SLC35A1: variants seen among roughly 807,000 people sequenced by gnomAD.
SLC35A1 encodes the protein solute carrier family 35 member A1, also known as CMP-sialic acid transporter.
A neutral mutation model predicts 40.3 loss-of-function variants in SLC35A1; 21 were observed. The ratio of observed to expected loss-of-function variants is 0.52; its 90% CI spans 0.37 to 0.75. The LOEUF is 0.75. SLC35A1 is among the 30% of genes least tolerant of loss of function. The probability of loss-of-function intolerance (pLI) is 0.00; values close to 1 mark genes in which losing one functional copy is unlikely to be tolerated. For missense variants in SLC35A1, 297 were observed against 382.1 expected, an observed-to-expected ratio of 0.78 and a Z score of 1.86; for synonymous variants, 146 against 147.3, an observed-to-expected ratio of 0.99 and a Z score of 0.06.
At chr6:87,475,172 A>C (rs1366897530) in intron 1 of SLC35A1, among the ~76,000 whole-genome samples, 1 of 152,230 alleles carries the variant, frequency 6.6e-6, no homozygotes, top group Non-Finnish European at 1.5e-5. Context: ...ACAAATGAGC[A>C]TGGCTATGTT....
intron 2 of SLC35A1, among the ~76,000 whole-genome samples, chr6:87,498,617 A>C (rs1582186769): frequency 6.6e-6 from 1 of 152,280 alleles, no homozygotes; most frequent in South Asian, 2.1e-4. Flanking sequence ...CCAAAAATAC[A>C]AAAATAAGCC....
intron 2 of SLC35A1, among the ~76,000 whole-genome samples, chr6:87,482,304 T>C (rs948253386): frequency 6.7e-6 from 1 of 149,368 alleles, no homozygotes; most frequent in East Asian, 2.0e-4. Context: ...CCTTCAGGTC[T>C]GTGGACTAGA....
In SLC35A1 at chr6:87,511,918, G is replaced by A. The variant is rs944391654; in HGVS notation, c.*392G>A. The A allele has an allele frequency of 4.2e-5, 11 of 261,324 alleles. No homozygotes were observed. Among genetic ancestry groups the A allele is most frequent in the Admixed American group, 2.0e-4 (4 of 20,278 alleles). 16.2% of individuals were successfully genotyped at this position (261,324 alleles called of 1,614,324 possible). On this transcript the variant is annotated 3_prime_UTR_variant, in exon 8 of 8. Transcript: ENST00000369552. ...TCTGTACTAACTGTTCTCTTGTTCC[G>A]GTACCGGGGAGAAGGATGACCCCTC...
intron 7 of SLC35A1, among the ~76,000 whole-genome samples, chr6:87,510,871 C>CA (rs201786030): frequency 0.11 from 13,616 of 126,992 alleles, 656 homozygotes; most frequent in African/African-American, 0.15. Context: ...AACTCCGTCT[C>CA]AAAAAAAAAA....
chr6:87,511,536 C>T lies in SLC35A1; in HGVS notation c.*10C>T. On this transcript the variant is annotated 3_prime_UTR_variant, in exon 8 of 8. Transcript: ENST00000369552. The stretch of plus-strand genomic sequence containing the variant: ...AGTTATTGGTGTGTGATTTTAGCCT[C>T]ACGTGAGACTCCTTTTAAGACTAAA... The T allele has an allele frequency of 1.9e-6, 3 of 1,613,796 alleles. No homozygotes were observed. The highest frequency in any genetic ancestry group is 2.5e-6 in the Non-Finnish European group (3 of 1,179,752).
chr6:87,509,353 A>ATGCT (rs1300413620), intron 7 of SLC35A1, among the ~76,000 whole-genome samples, 178 bp downstream of exon 7: 1 of 152,180 alleles, frequency 6.6e-6, no homozygotes, highest in Non-Finnish European at 1.5e-5. Context: ...GTGGCTAAGC[A>ATGCT]GTACTTTGGT....
At chr6:87,488,294 T>G (rs1249038975) in intron 2 of SLC35A1, among the ~76,000 whole-genome samples, 1 of 152,204 alleles carries the variant, frequency 6.6e-6, no homozygotes, top group Non-Finnish European at 1.5e-5. Flanking sequence ...ACAATCTTAT[T>G]TGTAATGTCA....
rs1554167146 is a variant in SLC35A1 at position 87,512,068 on chromosome 6, C to CTA, written c.*544_*545dup. ...AACTGTGTAACTTCTCAAAATGAAT[C>CTA]TATTTCATAACTCGGACAATTTCTG... On this transcript the variant is annotated 3_prime_UTR_variant, in exon 8 of 8. Coordinates refer to ENST00000369552, the MANE Select transcript of SLC35A1 (RefSeq NM_006416.5). 6.3e-6 allele frequency: 1 copy of CTA among 158,568 alleles called. No homozygotes were observed. Among genetic ancestry groups the CTA allele is most frequent in the African/African-American group, 2.4e-5 (1 of 41,086 alleles). The allele number at this position is 158,568 out of a possible 1,614,324, so 9.8% of individuals were successfully genotyped here.
chr6:87,477,625 G>C, intron 2 of SLC35A1, 86 bp downstream of exon 2: 1 of 1,144,330 alleles, frequency 8.7e-7, no homozygotes. Context: ...ATCTTTATAT[G>C]TTTAATTGCT....
At position 87,508,454 on chromosome 6, in the gene SLC35A1, T is replaced by G; in HGVS notation, c.609T>G (p.Asp203Glu). 1 of 1,610,936 alleles carries G rather than the reference T, an allele frequency of 6.2e-7. No individual in the cohort carries two copies. Among genetic ancestry groups the G allele is most frequent in the Non-Finnish European group, 8.5e-7 (1 of 1,177,698 alleles). Residue 203 changes from aspartate to glutamate, a missense_variant, in exon 6 of 8, where the codon GAT becomes GAG. Transcript: ENST00000369552. Reference protein sequence around the residue: ...VYFEKVLKSSDTSLWVRNIQM... With the variant: ...VYFEKVLKSSETSLWVRNIQM... ...TTGAAAAAGTTTTAAAGAGTTCAGATACTTCTCTTTGGGTGAGAAACATTC... is the reference window on the plus strand; with the variant it reads ...TTGAAAAAGTTTTAAAGAGTTCAGAGACTTCTCTTTGGGTGAGAAACATTC...
In SLC35A1 at chr6:87,490,423, T is replaced by C. The variant is rs111664288; in HGVS notation, c.195-10085T>C. 9.5e-3 allele frequency among the ~76,000 whole-genome samples: 1,423 copies of C among 150,146 alleles called. 11 individuals are homozygous for C. Among genetic ancestry groups the C allele is most frequent in the African/African-American group, 0.034 (1,368 of 40,788 alleles). ...ATTTCGGCTCACTGCAGCCTCCGTC[T>C]CCTGGGTGCAAGTGATTCTCCTGCC... is the stretch of plus-strand genomic sequence containing the variant. On this transcript the variant is annotated intron_variant, in intron 2 of 7. Transcript: ENST00000369552.
chr6:87,507,483 ATC>A lies in SLC35A1; in HGVS notation c.575-931_575-930del, dbSNP rs945809184. The stretch of plus-strand genomic sequence containing the variant: ...TTGAGGAAATGGAGGGTGGTTTAAT[ATC>A]TCTCTGTGTTTACGGTAACTGAGCA... On this transcript the variant is annotated intron_variant, in intron 5 of 7. Coordinates refer to ENST00000369552, the MANE Select transcript of SLC35A1 (RefSeq NM_006416.5). Among the ~76,000 whole-genome samples, 19 of 152,302 alleles carry A rather than the reference ATC, an allele frequency of 1.2e-4. No homozygotes were observed. The East Asian group carries it at 3.1e-3, about 25-fold the overall frequency.
At chr6:87,507,695 C>G (rs1298727247) in intron 5 of SLC35A1, among the ~76,000 whole-genome samples, 1 of 151,944 alleles carries the variant, frequency 6.6e-6, no homozygotes, top group Non-Finnish European at 1.5e-5. Flanking sequence ...TCTTTAATGG[C>G]TTTGTAAAAT....
At chr6:87,493,636 C>T (rs909550302) in intron 2 of SLC35A1, among the ~76,000 whole-genome samples, 1 of 152,104 alleles carries the variant, frequency 6.6e-6, no homozygotes, top group African/African-American at 2.4e-5. Context: ...TTTGCTCAAT[C>T]CTAGAATAGA....
At chr6:87,503,010 T>C (rs1319089079) in intron 4 of SLC35A1, among the ~76,000 whole-genome samples, 1 of 152,214 alleles carries the variant, frequency 6.6e-6, no homozygotes, top group African/African-American at 2.4e-5. Context: ...CCTTGAGTTA[T>C]TTCCAGTTCT....
At chr6:87,473,412 C>G (rs927960944) in intron 1 of SLC35A1, among the ~76,000 whole-genome samples, 1 of 152,202 alleles carries the variant, frequency 6.6e-6, no homozygotes, top group Non-Finnish European at 1.5e-5. Context: ...CGGCTCCGGT[C>G]TCCTCTGCGC....
At chr6:87,509,311 C>T in intron 7 of SLC35A1, 136 bp downstream of exon 7, 1 of 1,099,332 alleles carries the variant, frequency 9.1e-7, no homozygotes, top group Non-Finnish European at 1.4e-6. Context: ...CAGTTTATTC[C>T]ACCAGTACAG....
chr6:87,496,779 C>CAAA (rs751785939), intron 2 of SLC35A1, among the ~76,000 whole-genome samples: 11 of 28,074 alleles, frequency 3.9e-4, no homozygotes, highest in Admixed American at 4.2e-4. Context: ...GACTCCATCT[C>CAAA]AAAAAAAAAA....
chr6:87,483,072 C>CA (rs1769289017), intron 2 of SLC35A1, among the ~76,000 whole-genome samples: 1 of 152,118 alleles, frequency 6.6e-6, no homozygotes, highest in African/African-American at 2.4e-5. Context: ...GTTATAGAGT[C>CA]ACGGAGAAGA....
Sources: gnomAD v4.1 joint callset for allele counts (sites outside exome capture counted in the v4.1 genomes callset) on GRCh38, gnomAD v4.1.1 for gene constraint, MANE v1.5 for transcripts, NCBI Gene and HGNC (gene_info 2026-07-23, HGNC 2026-07-21) for gene names.